The following PCDH15 variants were observed in gnomAD, a reference collection of about 807,000 sequenced individuals.
PCDH15 encodes protocadherin related 15.
A neutral mutation model predicts 178.5 loss-of-function variants in PCDH15; 129 were observed. The ratio of observed to expected loss-of-function variants is 0.72; its 90% confidence interval spans 0.63 to 0.84. PCDH15 has a LOEUF of 0.84. Among genes scored for constraint, PCDH15 ranks in the 40% least tolerant of loss-of-function variants. The pLI is 0.00. For synonymous variants in PCDH15, 800 were observed against 732.0 expected (o/e 1.09, Z -1.50); for missense variants, 2,230 against 2,099.9 (o/e 1.06, Z -1.21).
chr10:55,556,071 TTC>T (rs1227583989), intron 2 of PCDH15, among the ~76,000 whole-genome samples: 1 of 152,136 alleles, frequency 6.6e-6, no homozygotes, highest in Non-Finnish European at 1.5e-5. Flanking sequence ...CTTTTTCTTT[TTC>T]TCTCTCTCCA....
At chr10:54,536,578 AT>A (rs1471543455) in intron 2 of PCDH15, among the ~76,000 whole-genome samples, 6 of 152,262 alleles carry the variant, frequency 3.9e-5, no homozygotes, top group African/African-American at 1.4e-4. Context: ...TTGGGATATG[AT>A]TGATTCCATC....
At chr10:54,006,292 A>T (rs538385448) in intron 20 of PCDH15, among the ~76,000 whole-genome samples, 1 of 152,326 alleles carries the variant, frequency 6.6e-6, no homozygotes, top group African/African-American at 2.4e-5. Context: ...CACCAATAGG[A>T]ATCTGAAAAT....
chr10:54,574,213 G>A (rs1465628682), intron 2 of PCDH15, among the ~76,000 whole-genome samples: 1 of 151,218 alleles, frequency 6.6e-6, no homozygotes, highest in African/African-American at 2.4e-5. Context: ...TAAGGTGTAA[G>A]GAAGGGATCC....
chr10:55,616,745 T>C (rs1843486896), intron 2 of PCDH15, among the ~76,000 whole-genome samples: 1 of 152,124 alleles, frequency 6.6e-6, no homozygotes, highest in Non-Finnish European at 1.5e-5. Context: ...TCCAGTGTCA[T>C]AAAACATAGG....
chr10:54,277,050 T>C (rs1370659130), intron 8 of PCDH15, among the ~76,000 whole-genome samples: 1 of 151,668 alleles, frequency 6.6e-6, no homozygotes, highest in African/African-American at 2.4e-5. Flanking sequence ...ACGTTTTTTT[T>C]CCTCTTTTTC....
intron 13 of PCDH15, among the ~76,000 whole-genome samples, chr10:54,168,546 TC>T (rs1207962706): frequency 6.6e-6 from 1 of 152,186 alleles, no homozygotes; most frequent in Non-Finnish European, 1.5e-5. Context: ...ACAGTTTCGT[TC>T]CGTGACTAGC....
intron 8 of PCDH15, among the ~76,000 whole-genome samples, chr10:54,291,873 G>C (rs1178904160): frequency 6.6e-6 from 1 of 152,190 alleles, no homozygotes; most frequent in African/African-American, 2.4e-5. Flanking sequence ...CGGATTCACA[G>C]CCTAATTATA....
In PCDH15 at chr10:55,341,556, A is replaced by C. The variant is rs192537731; in HGVS notation, c.-155-174905T>G. Among the ~76,000 whole-genome samples, 550 of 146,736 alleles carry C rather than the reference A, an allele frequency of 3.7e-3. 8 individuals carry two copies. The highest frequency in any genetic ancestry group is 4.8e-3 in the Non-Finnish European group (321 of 66,950). Reference sequence around the variant, plus strand: ...GAGGTAGACACTATTATTTTTTCTCATATTCTAGATTAGCATCCTTTTTTT... The same window carrying C: ...GAGGTAGACACTATTATTTTTTCTCCTATTCTAGATTAGCATCCTTTTTTT... On this transcript the variant is annotated intron_variant, in intron 2 of 5. Coordinates refer to the PCDH15 transcript ENST00000613346.
chr10:54,080,934 GGAAAGCT>G (rs1199413928), intron 16 of PCDH15, among the ~76,000 whole-genome samples: 1 of 152,040 alleles, frequency 6.6e-6, no homozygotes, highest in Non-Finnish European at 1.5e-5. Flanking sequence ...TTAAGAAACA[GGAAAGCT>G]GAAAACCTAG....
chr10:54,113,940 G>C (rs2095069142), intron 15 of PCDH15, among the ~76,000 whole-genome samples: 2 of 152,074 alleles, frequency 1.3e-5, no homozygotes, highest in Admixed American at 1.3e-4. Context: ...GCAAGAGAGA[G>C]AGCATGTGCA....
intron 1 of PCDH15, among the ~76,000 whole-genome samples, chr10:54,761,979 C>G (rs1947935413): frequency 6.6e-6 from 1 of 151,996 alleles, no homozygotes; most frequent in Non-Finnish European, 1.5e-5. Context: ...ATATGTATCT[C>G]CTAACATTAG....
intron 1 of PCDH15, among the ~76,000 whole-genome samples, chr10:55,229,698 C>A (rs1052104213): frequency 1.3e-5 from 2 of 151,848 alleles, no homozygotes; most frequent in African/African-American, 4.8e-5. Context: ...TTGTATAGAC[C>A]AATCCAGTAA....
intron 2 of PCDH15, among the ~76,000 whole-genome samples, chr10:55,471,383 C>T (rs529127621): frequency 1.4e-3 from 217 of 152,262 alleles, no homozygotes; most frequent in African/African-American, 5.0e-3. Context: ...TGACAAAAAT[C>T]ATATAATTTA....
chr10:54,269,909 T>C (rs1027757173), intron 8 of PCDH15, among the ~76,000 whole-genome samples: 1 of 152,058 alleles, frequency 6.6e-6, no homozygotes, highest in Non-Finnish European at 1.5e-5. Context: ...TGTTAAATGA[T>C]ACACATAATA....
chr10:53,873,662 T>G (rs2133242498), intron 26 of PCDH15, among the ~76,000 whole-genome samples: 1 of 152,280 alleles, frequency 6.6e-6, no homozygotes, highest in African/African-American at 2.4e-5. Context: ...CTAAGAAATC[T>G]TCCTAGATCC....
chr10:54,579,322 C>T (rs1213115074), intron 2 of PCDH15, among the ~76,000 whole-genome samples: 1 of 151,526 alleles, frequency 6.6e-6, no homozygotes, highest in Non-Finnish European at 1.5e-5. Context: ...AAATGAAAAA[C>T]AAAAAAGAAC....
rs549642082 is a variant in PCDH15 at position 55,408,727 on chromosome 10, C to T, written c.-156+218898G>A. On this transcript the variant is annotated intron_variant, in intron 2 of 5. Transcript: ENST00000613346. ...GCTATCACAAATGCAGAGTGATTAA[C>T]ATACTGGAAATCACCATTTTTAAGT... 3.8e-4 allele frequency among the ~76,000 whole-genome samples: 58 copies of T among 152,036 alleles called. No individual in the cohort carries two copies. The South Asian group carries it at 0.012, about 32-fold the overall frequency.
intron 3 of PCDH15, among the ~76,000 whole-genome samples, chr10:54,506,671 C>A (rs2081194639): frequency 6.6e-6 from 1 of 151,968 alleles, no homozygotes; most frequent in African/African-American, 2.4e-5. Context: ...TGAGTTGGTA[C>A]TGAATTGCCT....
At position 54,652,166 on chromosome 10, in the gene PCDH15, T is replaced by C. The variant is rs2094277829; in HGVS notation, c.91+12006A>G. ...ATTCTGCTTTAAAGGAATTATCTGGTCACATTTTATCTTCTATTCACATCT... is the reference window on the plus strand; with the variant it reads ...ATTCTGCTTTAAAGGAATTATCTGGCCACATTTTATCTTCTATTCACATCT... On this transcript the variant is annotated intron_variant, in intron 2 of 37. Coordinates refer to ENST00000644397, the MANE Select transcript of PCDH15 (RefSeq NM_001384140.1). Among the ~76,000 whole-genome samples, 4 of 152,190 alleles carry C rather than the reference T, an allele frequency of 2.6e-5. No homozygotes were observed. In the South Asian group the frequency reaches 8.3e-4, roughly 31 times the overall value.
Sources: allele counts gnomAD v4.1 joint callset (sites outside exome capture counted in the v4.1 genomes callset), GRCh38; gene constraint gnomAD v4.1.1; transcripts MANE v1.5; gene names NCBI Gene and HGNC (gene_info 2026-07-23, HGNC 2026-07-21).